ICOS: variants seen among roughly 807,000 people sequenced by gnomAD.
The protein encoded by ICOS is inducible T-cell costimulator.
Under a neutral mutation model 24.6 loss-of-function variants are expected in ICOS, and 15 were observed. The observed-to-expected ratio is 0.61, with a 90% CI of 0.41 to 0.94. The LOEUF is 0.94. ICOS is among the 40% of genes least tolerant of loss of function. ICOS has a pLI of 0.00. For synonymous variants in ICOS, 89 were observed against 77.5 expected, an observed-to-expected ratio of 1.15 and a Z score of -0.78; for missense variants, 200 against 233.0, an observed-to-expected ratio of 0.86 and a Z score of 0.92.
intron 1 of ICOS, among the ~76,000 whole-genome samples, chr2:203,951,954 A>T (rs1219187668): frequency 6.6e-6 from 1 of 152,188 alleles, no homozygotes; most frequent in Non-Finnish European, 1.5e-5. Flanking sequence ...TTGCCTCTGG[A>T]TAATATTGTT....
chr2:203,943,627 T>C (rs1181813363), intron 1 of ICOS, among the ~76,000 whole-genome samples: 1 of 152,206 alleles, frequency 6.6e-6, no homozygotes, highest in African/African-American at 2.4e-5. Flanking sequence ...TTTGTGCTGG[T>C]TGGCCTCCTG....
Position 203,956,700 on chromosome 2 carries a change from G to C in ICOS, c.436G>C (p.Gly146Arg). Residue 146 changes from glycine to arginine, a missense_variant, in exon 3 of 5, where the codon GGA becomes CGA. Transcript: ENST00000316386. Reference sequence around the variant, plus strand: ...CCAGCTGAAGTTCTGGTTACCCATAGGATGTGCAGCCTTTGTTGTAGTCTG... The same window carrying C: ...CCAGCTGAAGTTCTGGTTACCCATACGATGTGCAGCCTTTGTTGTAGTCTG... The part of the protein sequence containing the change: ...CCQLKFWLPI[G>R]CAAFVVVCIL... The C allele has an allele frequency of 6.2e-7, 1 of 1,613,520 alleles. No individual in the cohort carries two copies. Among genetic ancestry groups the C allele is most frequent in the Non-Finnish European group, 8.5e-7 (1 of 1,179,554 alleles).
chr2:203,946,493 C>T (rs1689871910), intron 1 of ICOS, among the ~76,000 whole-genome samples: 1 of 151,628 alleles, frequency 6.6e-6, no homozygotes, highest in Non-Finnish European at 1.5e-5. Flanking sequence ...ATCCTCCCTC[C>T]CTTCCTTGCC....
At chr2:203,959,541 C>G (rs2105756863) in intron 4 of ICOS, 45 bp from the exon 5 acceptor site, 4 of 1,580,202 alleles carry the variant, frequency 2.5e-6, no homozygotes, top group Non-Finnish European at 3.5e-6. Flanking sequence ...AGGGAACTGG[C>G]ACATGGAGAG....
chr2:203,956,528 T>G, intron 2 of ICOS, 131 bp from the exon 3 acceptor site: 1 of 716,508 alleles, frequency 1.4e-6, no homozygotes, highest in Non-Finnish European at 2.6e-6. Context: ...GTCTAATAAC[T>G]TGCCCACTTA....
intron 2 of ICOS, 100 bp downstream of exon 2, chr2:203,956,071 T>A (rs1389239843): frequency 3.7e-6 from 3 of 813,442 alleles, no homozygotes; most frequent in Non-Finnish European, 5.9e-6. Flanking sequence ...ATCTTTTGTG[T>A]TGGAGTTCAC....
At chr2:203,937,075 G>A (rs1416703722) in intron 1 of ICOS, among the ~76,000 whole-genome samples, 2 of 152,040 alleles carry the variant, frequency 1.3e-5, no homozygotes, top group Non-Finnish European at 2.9e-5. Flanking sequence ...TTGATACTGT[G>A]TCTTGAGATG....
At chr2:203,956,834 A>G in intron 3 of ICOS, 69 bp downstream of exon 3, 1 of 1,032,050 alleles carries the variant, frequency 9.7e-7, no homozygotes, top group Non-Finnish European at 1.5e-6. Flanking sequence ...CCTCATCAAA[A>G]GTACACATGG....
chr2:203,953,918 T>C (rs987080983), intron 1 of ICOS, among the ~76,000 whole-genome samples: 4 of 152,198 alleles, frequency 2.6e-5, no homozygotes, highest in South Asian at 2.1e-4. Context: ...ATAATAAGTA[T>C]GTTTTTGCAA....
At chr2:203,952,192 C>T (rs1026681761) in intron 1 of ICOS, among the ~76,000 whole-genome samples, 1 of 152,176 alleles carries the variant, frequency 6.6e-6, no homozygotes, top group African/African-American at 2.4e-5. Flanking sequence ...CCTCTTTAGA[C>T]AAAACCATTA....
intron 1 of ICOS, among the ~76,000 whole-genome samples, chr2:203,941,391 A>G (rs1182140248): frequency 6.6e-6 from 1 of 152,128 alleles, no homozygotes; most frequent in East Asian, 1.9e-4. Context: ...GCATATTCCC[A>G]TTTCTTGGTA....
intron 1 of ICOS, among the ~76,000 whole-genome samples, chr2:203,940,434 A>G (rs1689745060): frequency 6.6e-6 from 1 of 152,122 alleles, no homozygotes; most frequent in African/African-American, 2.4e-5. Flanking sequence ...GTTCTAATCT[A>G]ATGATCAGAA....
chr2:203,940,142 A>G (rs1367191084), intron 1 of ICOS, among the ~76,000 whole-genome samples: 1 of 152,182 alleles, frequency 6.6e-6, no homozygotes, highest in Non-Finnish European at 1.5e-5. Context: ...GTATGAAAAT[A>G]ATGAAAATGC....
chr2:203,946,841 C>A (rs1198709767), intron 1 of ICOS, among the ~76,000 whole-genome samples: 1 of 152,194 alleles, frequency 6.6e-6, no homozygotes, highest in African/African-American at 2.4e-5. Flanking sequence ...TCAATGATTA[C>A]AAACTCAGGA....
chr2:203,941,042 C>G (rs764084479), intron 1 of ICOS, among the ~76,000 whole-genome samples: 4 of 152,162 alleles, frequency 2.6e-5, no homozygotes, highest in Admixed American at 6.5e-5. Context: ...CCTCCGCCTC[C>G]GCCTCCGCCT....
intron 1 of ICOS, among the ~76,000 whole-genome samples, chr2:203,954,358 G>A (rs772011224): frequency 2.0e-5 from 3 of 152,152 alleles, no homozygotes; most frequent in Non-Finnish European, 2.9e-5. Context: ...GGCTGAGGCA[G>A]GAGGATTGCT....
Position 203,954,264 on chromosome 2 carries a change from T to A in ICOS, c.59-1372T>A, listed in dbSNP as rs75215840. On this transcript the variant is annotated intron_variant, in intron 1 of 4. Transcript: ENST00000316386. ...GTAGCTTGCAAAAACAACCTTGGCT[T>A]CCTATAAGCATAAATTTATTTCAGA... Among the ~76,000 whole-genome samples the A allele has an allele frequency of 4.2e-3, 638 of 152,276 alleles. 4 individuals are homozygous for A. The highest frequency in any genetic ancestry group is 0.014 in the African/African-American group (593 of 41,552).
In ICOS at chr2:203,957,874, A is replaced by G. The variant is rs1361045875; in HGVS notation, c.577A>G (p.Arg193Gly). Residue 193 changes from arginine (R) to glycine (G), a missense_variant, in exon 4 of 5, where the codon AGA becomes GGA. By Grantham distance (125) the Arg-to-Gly change is moderately radical. Transcript: ENST00000316386. ...MRAVNTAKKS[R>G]LTDVTL ...AGCAGTGAACACAGCCAAAAAATCT[A>G]GACTCACAGGTATGACTCCATTTGG... 2 of 1,605,514 alleles carry G rather than the reference A, an allele frequency of 1.2e-6. No homozygotes were observed. Among genetic ancestry groups the G allele is most frequent in the East Asian group, 4.5e-5 (2 of 44,808 alleles).
At chr2:203,947,756 A>C (rs1471362075) in intron 1 of ICOS, among the ~76,000 whole-genome samples, 4 of 152,240 alleles carry the variant, frequency 2.6e-5, no homozygotes, top group Non-Finnish European at 5.9e-5. Flanking sequence ...AAAAGTAAAC[A>C]GATATGGTAG....
Sources: allele counts gnomAD v4.1 joint callset (sites outside exome capture counted in the v4.1 genomes callset), GRCh38; gene constraint gnomAD v4.1.1; transcripts MANE v1.5; gene names NCBI Gene and HGNC (gene_info 2026-07-23, HGNC 2026-07-21).